BCAR3: variants seen among roughly 807,000 people sequenced by gnomAD.
The protein encoded by BCAR3 is BCAR3 adaptor protein, NSP family member.
A neutral mutation model predicts 80.1 loss-of-function variants in BCAR3; 37 were observed. The ratio of observed to expected loss-of-function variants is 0.46; its 90% confidence interval spans 0.36 to 0.61. The LOEUF is 0.61. Ranked by LOEUF, BCAR3 falls within the 20% of genes least tolerant of loss-of-function variation. The pLI is 0.00. For synonymous variants in BCAR3, 389 were observed against 418.9 expected, an observed-to-expected ratio of 0.93 and a Z score of 0.87; for missense variants, 978 against 1,068.2, an observed-to-expected ratio of 0.92 and a Z score of 1.18.
chr1:93,783,236 T>A (rs1652822754), intron 2 of BCAR3, among the ~76,000 whole-genome samples: 1 of 152,316 alleles, frequency 6.6e-6, no homozygotes, highest in East Asian at 1.9e-4. Context: ...ACTATTGACA[T>A]GTTGGACCAG....
intron 2 of BCAR3, among the ~76,000 whole-genome samples, chr1:93,768,480 G>C (rs990113327): frequency 6.6e-6 from 1 of 152,172 alleles, no homozygotes; most frequent in African/African-American, 2.4e-5. Context: ...AGCTGGAAAA[G>C]TGTCTGTGGG....
intron 2 of BCAR3, among the ~76,000 whole-genome samples, chr1:93,795,188 T>G (rs61782394): frequency 0.15 from 12,440 of 81,086 alleles, 1,657 homozygotes; most frequent in African/African-American, 0.4. Flanking sequence ...ATTTCCTGAA[T>G]CTGAACGTTG....
chr1:93,701,197 C>T (rs1022503878), intron 3 of BCAR3, among the ~76,000 whole-genome samples: 62 of 152,224 alleles, frequency 4.1e-4, no homozygotes, highest in Admixed American at 3.3e-3. Flanking sequence ...GCCTGCCACA[C>T]GCAGGCACTG....
intron 2 of BCAR3, among the ~76,000 whole-genome samples, chr1:93,787,257 A>G (rs1173165692): frequency 1.3e-5 from 2 of 152,182 alleles, no homozygotes; most frequent in South Asian, 2.1e-4. Flanking sequence ...GGAATGGAGG[A>G]AAAGGGGCAT....
intron 2 of BCAR3, among the ~76,000 whole-genome samples, chr1:93,733,103 T>C (rs1650848477): frequency 6.6e-6 from 1 of 152,178 alleles, no homozygotes; most frequent in Non-Finnish European, 1.5e-5. Flanking sequence ...TATGGATCCT[T>C]GCTAGACTCT....
At position 93,766,487 on chromosome 1, in the gene BCAR3, G is replaced by A. The variant is rs533372357; in HGVS notation, c.-62-60345C>T. Among the ~76,000 whole-genome samples, 11 of 152,304 alleles carry A rather than the reference G, an allele frequency of 7.2e-5. No homozygotes were observed. The South Asian group carries it at 2.3e-3, about 32-fold the overall frequency. ...AGTGGGCAGCCAGAGCTCTCTAAAG[G>A]TCCCTCTTCCCAGATGAATTTTCTT... is the stretch of plus-strand genomic sequence containing the variant. On this transcript the variant is annotated intron_variant, in intron 2 of 13. Coordinates refer to the BCAR3 transcript ENST00000370244.
chr1:93,652,596 T>C (rs1351318923), intron 2 of BCAR3, among the ~76,000 whole-genome samples: 1 of 152,088 alleles, frequency 6.6e-6, no homozygotes, highest in Non-Finnish European at 1.5e-5. Flanking sequence ...GACAGATCAC[T>C]AGAAAACAAA....
In BCAR3 at chr1:93,674,792, T is replaced by C. The variant is rs780810028; in HGVS notation, c.139A>G (p.Ile47Val). Residue 47 changes from isoleucine (I) to valine (V), a missense_variant, in exon 2 of 12, where the codon ATA (isoleucine) becomes GTA (valine). Ile to Val is a conservative substitution (Grantham distance 29). Coordinates refer to ENST00000260502, the MANE Select transcript of BCAR3 (RefSeq NM_003567.4). Reference sequence around the variant, plus strand: ...TTCTTCCGTGGAAGGGTGCCATGTATAGACACATCTTGATAGGCATCTGGG... The same window carrying C: ...TTCTTCCGTGGAAGGGTGCCATGTACAGACACATCTTGATAGGCATCTGGG... ...HRPDAYQDVS[I>V]HGTLPRKKKG... 2.5e-6 allele frequency: 4 copies of C among 1,610,912 alleles called. No homozygotes were observed. The highest frequency in any genetic ancestry group is 3.4e-6 in the Non-Finnish European group (4 of 1,179,192).
intron 3 of BCAR3, among the ~76,000 whole-genome samples, chr1:93,705,407 T>C (rs1649799023): frequency 6.6e-6 from 1 of 152,200 alleles, no homozygotes; most frequent in Non-Finnish European, 1.5e-5. Context: ...TTATGCCATA[T>C]AAACCCACTA....
intron 9 of BCAR3, chr1:93,568,185 C>CAA (rs766506956): frequency 2.3e-5 from 3 of 128,274 alleles, no homozygotes; most frequent in African/African-American, 5.7e-5. Context: ...GACCCTGTCT[C>CAA]AAAAAAAAAA....
In BCAR3 at chr1:93,592,511, A is replaced by AG. The variant is rs1243613563; in HGVS notation, c.358-119dup. 1.5e-6 allele frequency: 2 copies of AG among 1,346,120 alleles called. No homozygotes were observed. Among genetic ancestry groups the AG allele is most frequent in the Non-Finnish European group, 2.0e-6 (2 of 1,001,954 alleles). The allele number at this position is 1,346,120 out of a possible 1,614,324, so 83.4% of individuals were successfully genotyped here. On this transcript the variant is annotated intron_variant, in intron 3 of 11. Transcript: ENST00000260502. The surrounding 1 kb of genome is among the most constrained non-coding windows in gnomAD (Gnocchi z 4.8). ...GTTATGCTACAGCCTGCATTCAGGT[A>AG]GGGGAGCCTGGATAATGATTACAAA...
At chr1:93,750,017 A>T (rs1051751340) in intron 2 of BCAR3, among the ~76,000 whole-genome samples, 1 of 151,976 alleles carries the variant, frequency 6.6e-6, no homozygotes. Flanking sequence ...AATTTGTACT[A>T]CAATTGAGCA....
intron 3 of BCAR3, among the ~76,000 whole-genome samples, chr1:93,608,343 T>A (rs2101875456): frequency 6.6e-6 from 1 of 152,208 alleles, no homozygotes. Flanking sequence ...ACAGGCTGAG[T>A]CTCCTCTGCT....
intron 2 of BCAR3, among the ~76,000 whole-genome samples, chr1:93,722,076 T>C (rs372691374): frequency 4.6e-5 from 7 of 152,178 alleles, no homozygotes; most frequent in African/African-American, 1.7e-4. Flanking sequence ...GTGTGGGGAC[T>C]GGCCATCCTG....
chr1:93,715,229 T>A (rs987719306), intron 2 of BCAR3, among the ~76,000 whole-genome samples: 1 of 152,270 alleles, frequency 6.6e-6, no homozygotes, highest in African/African-American at 2.4e-5. Flanking sequence ...TCACCCCTTG[T>A]GTTTACCTAC....
rs113992064 is a variant in BCAR3 at position 93,572,894 on chromosome 1, G to A, written c.1803-1053C>T. Among the ~76,000 whole-genome samples the A allele has an allele frequency of 9.2e-4, 140 of 152,334 alleles. 1 individual carries two copies. The highest frequency in any genetic ancestry group is 3.2e-3 in the African/African-American group (134 of 41,568). On this transcript the variant is annotated intron_variant, in intron 8 of 11. Transcript: ENST00000260502. Reference sequence around the variant, plus strand: ...TGCTCTCCCTGAGCAAAGGGCAGCAGGGATTCATTGAGTGCTTAGCATCAC... The same window carrying A: ...TGCTCTCCCTGAGCAAAGGGCAGCAAGGATTCATTGAGTGCTTAGCATCAC...
chr1:93,706,434 T>G (rs1197808939), intron 2 of BCAR3, among the ~76,000 whole-genome samples: 1 of 152,110 alleles, frequency 6.6e-6, no homozygotes, highest in Non-Finnish European at 1.5e-5. Flanking sequence ...GAAGTCTTAT[T>G]AAGATTAAGC....
chr1:93,756,213 C>A (rs1322103940), intron 2 of BCAR3, among the ~76,000 whole-genome samples: 1 of 152,176 alleles, frequency 6.6e-6, no homozygotes, highest in African/African-American at 2.4e-5. Flanking sequence ...TGTTTTCTTT[C>A]CCCCTTGTGT....
At chr1:93,745,555 C>T (rs763682019) in intron 2 of BCAR3, among the ~76,000 whole-genome samples, 1 of 152,190 alleles carries the variant, frequency 6.6e-6, no homozygotes, top group Non-Finnish European at 1.5e-5. Flanking sequence ...CCCTCTATCA[C>T]CAGCACAATC....
Sources: allele counts gnomAD v4.1 joint callset (sites outside exome capture counted in the v4.1 genomes callset), GRCh38; gene constraint gnomAD v4.1.1; non-coding constraint Gnocchi (gnomAD v3.1); transcripts MANE v1.5; gene names NCBI Gene and HGNC (gene_info 2026-07-23, HGNC 2026-07-21).